The following VAV3 variants were observed in gnomAD, a reference collection of about 807,000 sequenced individuals.
The protein encoded by VAV3 is guanine nucleotide exchange factor VAV3.
Under a neutral mutation model 131.2 loss-of-function variants are expected in VAV3, and 94 were observed. The ratio of observed to expected loss-of-function variants is 0.72; its 90% CI spans 0.61 to 0.85. VAV3 has a LOEUF of 0.85. Ranked by LOEUF, VAV3 falls within the 40% of genes least tolerant of loss-of-function variation. VAV3 has a pLI of 0.00. For synonymous variants in VAV3, 349 were observed against 342.0 expected (o/e 1.02, Z -0.22); for missense variants, 939 against 1,002.7 (o/e 0.94, Z 0.86).
At chr1:107,605,996 T>C (rs1652236264) in intron 22 of VAV3, among the ~76,000 whole-genome samples, 1 of 152,216 alleles carries the variant, frequency 6.6e-6, no homozygotes. Context: ...TTCTAATTGA[T>C]ACTGCTTGCT....
At chr1:107,720,209 TA>T (rs1265171942) in intron 15 of VAV3, among the ~76,000 whole-genome samples, 8 of 151,162 alleles carry the variant, frequency 5.3e-5, no homozygotes, top group African/African-American at 1.2e-4. Flanking sequence ...TAAAGTATAA[TA>T]AAAAAATAAA....
At chr1:107,864,795 T>C (rs757941858) in intron 2 of VAV3, among the ~76,000 whole-genome samples, 25 of 152,300 alleles carry the variant, frequency 1.6e-4, no homozygotes, top group Non-Finnish European at 3.4e-4. Flanking sequence ...GTTGTAATTA[T>C]CTTGTTTGTT....
intron 2 of VAV3, among the ~76,000 whole-genome samples, chr1:107,833,095 G>A (rs1370432232): frequency 6.6e-6 from 1 of 152,112 alleles, no homozygotes; most frequent in Non-Finnish European, 1.5e-5. Flanking sequence ...GCTTAGCGAG[G>A]AAGGCATGTC....
intron 2 of VAV3, among the ~76,000 whole-genome samples, chr1:107,870,663 TTCTC>T (rs142742403): frequency 1.6e-4 from 25 of 151,704 alleles, no homozygotes; most frequent in African/African-American, 5.8e-4. Flanking sequence ...ATACAACTCT[TTCTC>T]TCTCTCTCTC....
chr1:107,727,387 T>G (rs1192040092), intron 15 of VAV3, among the ~76,000 whole-genome samples: 1 of 152,248 alleles, frequency 6.6e-6, no homozygotes, highest in African/African-American at 2.4e-5. Context: ...CTTCATTACT[T>G]TTCATCATTA....
intron 20 of VAV3, among the ~76,000 whole-genome samples, chr1:107,638,625 G>T (rs2101471813): frequency 6.6e-6 from 1 of 152,248 alleles, no homozygotes; most frequent in South Asian, 2.1e-4. Flanking sequence ...AATTCAATGA[G>T]ATTCCAATCA....
chr1:107,828,228 C>T (rs549573480), intron 2 of VAV3, among the ~76,000 whole-genome samples: 1 of 152,176 alleles, frequency 6.6e-6, no homozygotes, highest in Non-Finnish European at 1.5e-5. Context: ...CGTTAAATAT[C>T]GAGGAAGAAG....
intron 15 of VAV3, among the ~76,000 whole-genome samples, chr1:107,737,625 C>G (rs1454733773): frequency 6.6e-6 from 1 of 152,186 alleles, no homozygotes; most frequent in Non-Finnish European, 1.5e-5. Flanking sequence ...CACTGGCCGT[C>G]AGAGAAATGC....
chr1:107,891,486 G>A (rs1465638266), intron 1 of VAV3, among the ~76,000 whole-genome samples: 1 of 151,902 alleles, frequency 6.6e-6, no homozygotes, highest in Admixed American at 6.6e-5. Context: ...TGCAAATCCT[G>A]GCTCTGCCAT....
chr1:107,871,761 T>C (rs116145443), intron 2 of VAV3, among the ~76,000 whole-genome samples: 1,571 of 152,156 alleles, frequency 0.01, 21 homozygotes, highest in African/African-American at 0.036. Context: ...AAGCCTAAGA[T>C]TCAAAATAAA....
chr1:107,697,657 C>A (rs1195221875), intron 17 of VAV3, among the ~76,000 whole-genome samples: 1 of 152,082 alleles, frequency 6.6e-6, no homozygotes, highest in Non-Finnish European at 1.5e-5. Flanking sequence ...ATCTTATTTT[C>A]ATATATTTAT....
intron 18 of VAV3, among the ~76,000 whole-genome samples, chr1:107,684,118 A>G (rs116638157): frequency 6.6e-6 from 1 of 152,242 alleles, no homozygotes; most frequent in Non-Finnish European, 1.5e-5. Flanking sequence ...ATGAATTCTT[A>G]TTATAGAAAA....
intron 1 of VAV3, among the ~76,000 whole-genome samples, chr1:107,936,247 C>T (rs1046393600): frequency 6.6e-6 from 1 of 152,016 alleles, no homozygotes; most frequent in Admixed American, 6.6e-5. Flanking sequence ...CTTAATGCAA[C>T]ATGTAACACT....
At chr1:107,963,444 C>T (rs951269193) in intron 1 of VAV3, 3 of 152,118 alleles carry the variant, frequency 2.0e-5, no homozygotes, top group African/African-American at 7.2e-5. Context: ...TATGGCTCTC[C>T]CCACTTCCAT....
At chr1:107,896,018 T>G (rs1671553415) in intron 1 of VAV3, among the ~76,000 whole-genome samples, 1 of 152,278 alleles carries the variant, frequency 6.6e-6, no homozygotes, top group South Asian at 2.1e-4. Context: ...TTGGACTTCT[T>G]GCAGGAAGTA....
At chr1:107,607,591 C>T (rs772703629) in intron 22 of VAV3, among the ~76,000 whole-genome samples, 3 of 152,118 alleles carry the variant, frequency 2.0e-5, no homozygotes, top group Non-Finnish European at 4.4e-5. Flanking sequence ...TGTCTCCTGC[C>T]ACTGCAGGAA....
At chr1:107,879,461 A>G (rs1383803359) in intron 1 of VAV3, among the ~76,000 whole-genome samples, 1 of 152,212 alleles carries the variant, frequency 6.6e-6, no homozygotes, top group Non-Finnish European at 1.5e-5. Flanking sequence ...CACTGTGTTC[A>G]GACAAAAAGA....
At chr1:107,678,400 CTATT>C (rs1658365289) in intron 19 of VAV3, among the ~76,000 whole-genome samples, 1 of 152,082 alleles carries the variant, frequency 6.6e-6, no homozygotes, top group South Asian at 2.1e-4. Flanking sequence ...AGAAACTTTA[CTATT>C]TATTATAGAC....
At chr1:107,785,082 T>C (rs933761385) in intron 2 of VAV3, among the ~76,000 whole-genome samples, 1 of 152,226 alleles carries the variant, frequency 6.6e-6, no homozygotes, top group African/African-American at 2.4e-5. Flanking sequence ...ACTGGTGATA[T>C]TGTACACTGA....
Sources: allele counts gnomAD v4.1 joint callset (sites outside exome capture counted in the v4.1 genomes callset), GRCh38; gene constraint gnomAD v4.1.1; transcripts MANE v1.5; gene names NCBI Gene and HGNC (gene_info 2026-07-23, HGNC 2026-07-21).